CDYL: variants seen among roughly 807,000 people sequenced by gnomAD.
CDYL encodes chromodomain Y like, also known as chromodomain Y-like protein.
Under a neutral mutation model 47.3 loss-of-function variants are expected in CDYL, and 8 were observed. That is an observed-to-expected ratio of 0.17 (90% CI 0.10 to 0.31). The LOEUF (loss-of-function observed/expected upper bound fraction) is 0.31, where lower values mean the gene tolerates loss of function less well. CDYL is among the 10% of genes least tolerant of loss of function. The pLI, the probability that CDYL is intolerant of heterozygous loss-of-function variation, is 1.00. For missense variants in CDYL, 471 were observed against 701.4 expected, an observed-to-expected ratio of 0.67 and a Z score of 3.71; for synonymous variants, 266 against 265.0, an observed-to-expected ratio of 1.00 and a Z score of -0.04.
intron 2 of CDYL, among the ~76,000 whole-genome samples, chr6:4,931,554 A>G (rs1758034196): frequency 6.6e-6 from 1 of 152,180 alleles, no homozygotes; most frequent in African/African-American, 2.4e-5. Flanking sequence ...ACACTGTGGC[A>G]TGATTGTCTT....
At chr6:4,890,617 C>G (rs1377283457) in intron 1 of CDYL, among the ~76,000 whole-genome samples, 1 of 152,190 alleles carries the variant, frequency 6.6e-6, no homozygotes, top group East Asian at 1.9e-4. Context: ...TTCTCCCGTT[C>G]TCTACGATCA....
intron 1 of CDYL, among the ~76,000 whole-genome samples, chr6:4,804,599 G>A (rs1228548466): frequency 1.3e-5 from 2 of 152,042 alleles, no homozygotes; most frequent in African/African-American, 2.4e-5. Flanking sequence ...CATCACTCTC[G>A]CCCCACTGCT....
Position 4,892,267 on chromosome 6 carries a change from C to T in CDYL, c.579C>T (p.Pro193=), listed in dbSNP as rs150092030. 2.7e-5 allele frequency: 44 copies of T among 1,614,164 alleles called. No homozygotes were observed. The highest frequency in any genetic ancestry group is 6.7e-5 in the African/African-American group (5 of 75,050). ...AGCCGGTCGGAGCTTTATTGGGCCC[C>T]GGTGCCGAGAGGGCCAGGATGGGGA... ...AEKPVGALLG[P]GAERARMGSR... The change falls in exon 2 of 7, where the codon CCC becomes CCT. Residue 193 remains proline (P), a synonymous_variant. Transcript: ENST00000397588.
At chr6:4,929,800 A>G (rs1428160072) in intron 2 of CDYL, among the ~76,000 whole-genome samples, 2 of 152,124 alleles carry the variant, frequency 1.3e-5, no homozygotes, top group Admixed American at 6.6e-5. Context: ...CTTTTCTCGT[A>G]ATACCATCAT....
chr6:4,868,309 A>G (rs1050374227), intron 1 of CDYL, among the ~76,000 whole-genome samples: 1 of 151,772 alleles, frequency 6.6e-6, no homozygotes, highest in African/African-American at 2.4e-5. Context: ...TTTCATTTTC[A>G]TTCAATTCTA....
chr6:4,746,206 G>C (rs866332686), intron 3 of CDYL, among the ~76,000 whole-genome samples: 1 of 151,326 alleles, frequency 6.6e-6, no homozygotes, highest in African/African-American at 2.4e-5. Flanking sequence ...TCTACTGAAA[G>C]TACAAAAACG....
chr6:4,854,094 G>A (rs1364464787), intron 1 of CDYL, among the ~76,000 whole-genome samples: 6 of 152,144 alleles, frequency 3.9e-5, no homozygotes, highest in African/African-American at 9.7e-5. Context: ...GTGCACACAC[G>A]GCCTCCTCCA....
At chr6:4,712,138 G>A (rs1037520072) in intron 1 of CDYL, among the ~76,000 whole-genome samples, 2 of 152,120 alleles carry the variant, frequency 1.3e-5, no homozygotes, top group African/African-American at 4.8e-5. Flanking sequence ...CAATTTGAGG[G>A]AAAAGCAACC....
chr6:4,715,932 T>TA, intron 2 of CDYL: 2 of 1,581,374 alleles, frequency 1.3e-6, no homozygotes, highest in Non-Finnish European at 1.7e-6. Context: ...GCAGAATTCT[T>TA]AGAGAGGCCC....
intron 1 of CDYL, among the ~76,000 whole-genome samples, chr6:4,777,872 G>A (rs1479879304): frequency 1.3e-5 from 2 of 152,192 alleles, no homozygotes. Flanking sequence ...TTAAGAGCAA[G>A]TGTTTGCAGA....
intron 1 of CDYL, among the ~76,000 whole-genome samples, chr6:4,786,537 G>C (rs111487063): frequency 1.2e-3 from 185 of 152,162 alleles, no homozygotes; most frequent in African/African-American, 4.2e-3. Flanking sequence ...GTTTGTTTTA[G>C]TAATTGTTTT....
chr6:4,780,398 G>GCCCCCCCCCCCCCCCCCCCCCCCCCCCCC (rs1212971467), intron 1 of CDYL, among the ~76,000 whole-genome samples: 1 of 12,372 alleles, frequency 8.1e-5, no homozygotes, highest in Non-Finnish European at 2.0e-4. Context: ...CCCCGCCTAC[G>GCCCCCCCCCCCCCCCCCCCCCCCCCCCCC]CCCCCCCCCC....
chr6:4,749,001 T>G (rs762586816), intron 3 of CDYL, among the ~76,000 whole-genome samples: 3 of 152,234 alleles, frequency 2.0e-5, no homozygotes, highest in Non-Finnish European at 4.4e-5. Context: ...GTGACTCCCC[T>G]GTAGACACAC....
chr6:4,755,043 TTTTTTG>T, intron 3 of CDYL, among the ~76,000 whole-genome samples: 1 of 150,708 alleles, frequency 6.6e-6, no homozygotes, highest in Middle Eastern at 3.4e-3. Context: ...GTTGTTGTTG[TTTTTTG>T]TTTTTTGTTT....
At chr6:4,761,754 C>G (rs1431738425) in intron 3 of CDYL, among the ~76,000 whole-genome samples, 4 of 152,236 alleles carry the variant, frequency 2.6e-5, no homozygotes, top group Admixed American at 1.3e-4. Flanking sequence ...CCCATTCTTT[C>G]ATTATTCTCA....
At chr6:4,923,031 G>A (rs935570925) in intron 2 of CDYL, among the ~76,000 whole-genome samples, 2 of 152,118 alleles carry the variant, frequency 1.3e-5, no homozygotes, top group African/African-American at 4.8e-5. Flanking sequence ...TGTGCAATAT[G>A]TAATGACCAA....
intron 2 of CDYL, among the ~76,000 whole-genome samples, chr6:4,907,191 G>T (rs1249821724): frequency 6.6e-6 from 1 of 152,188 alleles, no homozygotes; most frequent in African/African-American, 2.4e-5. Flanking sequence ...GATCACTGTA[G>T]GGCCAGTGGG....
chr6:4,894,881 A>T, intron 2 of CDYL, among the ~76,000 whole-genome samples: 1 of 140,490 alleles, frequency 7.1e-6, no homozygotes, highest in Non-Finnish European at 1.5e-5. Flanking sequence ...ACACATGTGT[A>T]TGTGTGTGTA....
At chr6:4,748,828 A>G (rs1004569786) in intron 3 of CDYL, among the ~76,000 whole-genome samples, 18 of 152,218 alleles carry the variant, frequency 1.2e-4, no homozygotes, top group Admixed American at 1.0e-3. Flanking sequence ...AAAGGCTTCT[A>G]TGAAATTATT....
Sources: gnomAD v4.1 joint callset for allele counts (sites outside exome capture counted in the v4.1 genomes callset) on GRCh38, gnomAD v4.1.1 for gene constraint, MANE v1.5 for transcripts, NCBI Gene and HGNC (gene_info 2026-07-23, HGNC 2026-07-21) for gene names.